FALEC: variants seen among roughly 807,000 people sequenced by gnomAD.
FALEC encodes the protein focally amplified lncRNA on chromosome 1.
chr1:150,521,393 G>T (rs985024661), downstream of FALEC, among the ~76,000 whole-genome samples: 2 of 152,170 alleles, frequency 1.3e-5, no homozygotes, highest in Admixed American at 6.5e-5. Context: ...TGTCAATGTG[G>T]TTAGCCATTC....
chr1:150,517,568 G>T (rs116405118), intron 1 of FALEC, among the ~76,000 whole-genome samples: 46 of 152,218 alleles, frequency 3.0e-4, no homozygotes, highest in African/African-American at 1.0e-3. Context: ...TCATAAATGG[G>T]ATTAGTGCTC....
chr1:150,534,637 A>G, the FALEC span, among the ~76,000 whole-genome samples: 2 of 151,992 alleles, frequency 1.3e-5, no homozygotes, highest in African/African-American at 4.8e-5. Flanking sequence ...AGGTCAGGAA[A>G]TCGAGACCAT....
At chr1:150,530,918 A>G in the FALEC span, among the ~76,000 whole-genome samples, 1 of 152,174 alleles carries the variant, frequency 6.6e-6, no homozygotes, top group Non-Finnish European at 1.5e-5. Context: ...GTCATGTGGC[A>G]TATGCAGTTC....
chr1:150,527,429 G>A, the FALEC span, among the ~76,000 whole-genome samples: 145 of 149,692 alleles, frequency 9.7e-4, 1 homozygote, highest in African/African-American at 3.5e-3. Flanking sequence ...TGGCTAATTT[G>A]TGTATTTTTA....
the FALEC span, among the ~76,000 whole-genome samples, chr1:150,529,523 A>T: frequency 6.6e-6 from 1 of 152,220 alleles, no homozygotes; most frequent in African/African-American, 2.4e-5. Context: ...AAAAAGGCTG[A>T]AGCATTTACC....
At chr1:150,529,304 T>G in the FALEC span, among the ~76,000 whole-genome samples, 1 of 152,180 alleles carries the variant, frequency 6.6e-6, no homozygotes, top group Non-Finnish European at 1.5e-5. Flanking sequence ...TTAGAAGATT[T>G]CCTCCAGCAG....
downstream of FALEC, among the ~76,000 whole-genome samples, chr1:150,522,954 T>C (rs1356634423): frequency 5.2e-5 from 1 of 19,222 alleles, no homozygotes; most frequent in African/African-American, 2.1e-4. Context: ...TGTGTGTATA[T>C]ATATATATAT....
the FALEC span, among the ~76,000 whole-genome samples, chr1:150,529,015 G>GAAAAAAAAAAAAAAAAAAAAA: frequency 1.7e-4 from 1 of 5,958 alleles, no homozygotes; most frequent in African/African-American, 6.7e-4. Context: ...TAAATAAATA[G>GAAAAAAAAAAAAAAAAAAAAA]CAAAAAAAAA....
downstream of FALEC, among the ~76,000 whole-genome samples, chr1:150,519,823 G>T (rs377562280): frequency 6.6e-6 from 1 of 151,668 alleles, no homozygotes; most frequent in South Asian, 2.1e-4. Flanking sequence ...CCGAGATTGT[G>T]CCTGGGCAAC....
chr1:150,532,005 C>T, the FALEC span, among the ~76,000 whole-genome samples: 1 of 152,212 alleles, frequency 6.6e-6, no homozygotes, highest in East Asian at 1.9e-4. Flanking sequence ...CCCGGGTTCA[C>T]GCCATTCTCC....
At chr1:150,522,891 A>ATATATACG (rs1560270682), downstream of FALEC, among the ~76,000 whole-genome samples, 10 of 72,316 alleles carry the variant, frequency 1.4e-4, no homozygotes, top group Admixed American at 5.6e-4. Flanking sequence ...ATATATACGT[A>ATATATACG]TATATATATA....
the FALEC span, among the ~76,000 whole-genome samples, chr1:150,532,543 A>G: frequency 6.6e-6 from 1 of 152,194 alleles, no homozygotes; most frequent in Non-Finnish European, 1.5e-5. Context: ...AGGGAAAGGC[A>G]GGAACTTTGC....
downstream of FALEC, among the ~76,000 whole-genome samples, chr1:150,519,131 A>T (rs1404135784): frequency 6.6e-6 from 1 of 152,202 alleles, no homozygotes; most frequent in Non-Finnish European, 1.5e-5. Flanking sequence ...TTATAAAATG[A>T]ACCTCCTGCA....
the FALEC span, among the ~76,000 whole-genome samples, chr1:150,526,705 C>A: frequency 6.6e-6 from 1 of 151,992 alleles, no homozygotes; most frequent in South Asian, 2.1e-4. Flanking sequence ...GCAATCCCGG[C>A]TCACTGCATG....
the FALEC span, among the ~76,000 whole-genome samples, chr1:150,526,933 C>A: frequency 6.6e-6 from 1 of 151,344 alleles, no homozygotes; most frequent in Non-Finnish European, 1.5e-5. Flanking sequence ...CACGCCTGGC[C>A]TATATATTTA....
At chr1:150,520,783 CTTTTTTTT>C (rs71086518), downstream of FALEC, among the ~76,000 whole-genome samples, 1,215 of 42,860 alleles carry the variant, frequency 0.028, 15 homozygotes, top group African/African-American at 0.11. Flanking sequence ...CTTTTCTTTT[CTTTTTTTT>C]TTTTTTTTTT....
chr1:150,525,477 CA>C, the FALEC span, among the ~76,000 whole-genome samples: 3 of 150,082 alleles, frequency 2.0e-5, no homozygotes, highest in South Asian at 4.2e-4. Flanking sequence ...AACAAACAAA[CA>C]AAAAGCATAC....
chr1:150,518,461 C>T (rs1473021665), downstream of FALEC, among the ~76,000 whole-genome samples: 4 of 151,400 alleles, frequency 2.6e-5, no homozygotes, highest in African/African-American at 4.9e-5. Flanking sequence ...CTCGGCTCAC[C>T]GCAACCTGTG....
the FALEC span, among the ~76,000 whole-genome samples, chr1:150,532,988 G>A: frequency 1.6e-4 from 24 of 152,274 alleles, no homozygotes; most frequent in African/African-American, 5.3e-4. Context: ...AACAGCTTCG[G>A]CAAAGACCCT....
Sources: allele counts gnomAD v4.1 joint callset (sites outside exome capture counted in the v4.1 genomes callset), GRCh38; gene constraint gnomAD v4.1.1; transcripts MANE v1.5; gene names NCBI Gene and HGNC (gene_info 2026-07-23, HGNC 2026-07-21).